FLOT2: variants seen among roughly 807,000 people sequenced by gnomAD.
FLOT2 encodes flotillin-2.
Under a neutral mutation model 54.9 loss-of-function variants are expected in FLOT2, and 35 were observed. That is an observed-to-expected ratio of 0.64 (90% CI 0.49 to 0.84). The LOEUF (loss-of-function observed/expected upper bound fraction) is 0.84, where lower values mean the gene tolerates loss of function less well. Ranked by LOEUF, FLOT2 falls within the 40% of genes least tolerant of loss-of-function variation. FLOT2 has a pLI of 0.00. For missense variants in FLOT2, 464 were observed against 572.1 expected, an observed-to-expected ratio of 0.81 and a Z score of 1.93; for synonymous variants, 207 against 228.9, an observed-to-expected ratio of 0.90 and a Z score of 0.86.
chr17:28,884,157 T>TC lies in FLOT2; in HGVS notation c.222+67dup. ...GCCCCTGGCTGCTGTCCTCTCCTCC[T>TC]CCCCCCGAACCCGAGTACGGGACCA... On this transcript the variant is annotated intron_variant, in intron 3 of 10. Transcript: ENST00000394908. The surrounding 1 kb of genome is among the most constrained non-coding windows in gnomAD (Gnocchi z 5.1). 8.4e-7 allele frequency: 1 copy of TC among 1,186,716 alleles called. No individual in the cohort carries two copies. The highest frequency in any genetic ancestry group is 1.3e-6 in the Non-Finnish European group (1 of 793,586). 73.5% of individuals were successfully genotyped at this position (1,186,716 alleles called of 1,614,324 possible).
intron 1 of FLOT2, among the ~76,000 whole-genome samples, chr17:28,891,142 A>G (rs1023388479): frequency 6.6e-6 from 1 of 152,132 alleles, no homozygotes; most frequent in African/African-American, 2.4e-5. Context: ...TGGCCTCTCA[A>G]AGTGCTGGGA....
At chr17:28,889,278 G>A (rs750651082) in intron 1 of FLOT2, among the ~76,000 whole-genome samples, 5 of 152,114 alleles carry the variant, frequency 3.3e-5, no homozygotes, top group African/African-American at 7.2e-5. Flanking sequence ...GAATGTAAGT[G>A]CTTCCAGAGA....
At chr17:28,880,628 T>C (rs1200814164) in intron 10 of FLOT2, 29 bp from the exon 11 acceptor site, 3 of 1,613,912 alleles carry the variant, frequency 1.9e-6, no homozygotes, top group Admixed American at 1.7e-5. Context: ...CCATGAGACC[T>C]TGGCTCCAGA....
In FLOT2 at chr17:28,881,711, G is replaced by T. The variant is rs984851670; in HGVS notation, c.914+103C>A. 4 of 999,798 alleles carry T rather than the reference G, an allele frequency of 4.0e-6. 1 individual carries two copies. The South Asian group carries it at 4.3e-5, about 11-fold the overall frequency. 61.9% of individuals were successfully genotyped at this position (999,798 alleles called of 1,614,324 possible). ...CAGTGAGTAAGAAGACACAGTGGAGGGGGAGAAGTGGCTTCCAAGCTGTGG... is the reference window on the plus strand; with the variant it reads ...CAGTGAGTAAGAAGACACAGTGGAGTGGGAGAAGTGGCTTCCAAGCTGTGG... On this transcript the variant is annotated intron_variant, in intron 8 of 10. Coordinates refer to ENST00000394908, the MANE Select transcript of FLOT2 (RefSeq NM_004475.3).
rs1470587523 is a variant in FLOT2, at chr17:28,884,743, C to T, written c.132-428G>A. Among the ~76,000 whole-genome samples the T allele has an allele frequency of 6.6e-6, 1 of 152,170 alleles. No individual in the cohort carries two copies. The highest frequency in any genetic ancestry group is 2.4e-5 in the African/African-American group (1 of 41,446). On this transcript the variant is annotated intron_variant, in intron 2 of 10. Coordinates refer to ENST00000394908, the MANE Select transcript of FLOT2 (RefSeq NM_004475.3). The surrounding 1 kb of genome is among the most constrained non-coding windows in gnomAD (Gnocchi z 5.1). ...CTCCCACAGGGGCCCTTGCCCATTC[C>T]TTGGTCTACCCAGCACCCCAGGGTG...
chr17:28,883,003 T>C lies in FLOT2; in HGVS notation c.346+105A>G. 8.2e-7 allele frequency: 1 copy of C among 1,220,916 alleles called. No individual in the cohort carries two copies. The highest frequency in any genetic ancestry group is 1.4e-5 in the South Asian group (1 of 72,968). 75.6% of individuals were successfully genotyped at this position (1,220,916 alleles called of 1,614,324 possible). A position where few individuals can be genotyped will look rare whatever the true frequency, so the allele number is the denominator to read the frequency against. On this transcript the variant is annotated intron_variant, in intron 4 of 10. Transcript: ENST00000394908. The surrounding 1 kb of genome is among the most constrained non-coding windows in gnomAD (Gnocchi z 5.0). ...ATTAAATATTTGAGGAAAAGTGTTT[T>C]AGCTTGAAACTCCTGTGAAACAGGC...
rs2039483267 is a variant in FLOT2 at position 28,883,072 on chromosome 17, C to G, written c.346+36G>C. The G allele has an allele frequency of 6.2e-7, 1 of 1,609,908 alleles. No homozygotes were observed. The highest frequency in any genetic ancestry group is 1.1e-5 in the South Asian group (1 of 90,996). ...CACCTCCCTGCCTTGGCTTAGGGGC[C>G]CCGTGAGGCTCCTCAAAGGCTGAAC... On this transcript the variant is annotated intron_variant, in intron 4 of 10. Coordinates refer to ENST00000394908, the MANE Select transcript of FLOT2 (RefSeq NM_004475.3). The surrounding 1 kb of genome is among the most constrained non-coding windows in gnomAD (Gnocchi z 5.0).
chr17:28,895,745 A>C (rs1488021698), intron 1 of FLOT2, among the ~76,000 whole-genome samples: 1 of 152,168 alleles, frequency 6.6e-6, no homozygotes, highest in Non-Finnish European at 1.5e-5. Flanking sequence ...CCAAATGAAA[A>C]GGATTCCCCT....
chr17:28,882,662 C>T lies in FLOT2; in HGVS notation c.376G>A (p.Asp126Asn). 1 of 1,613,552 alleles carries T rather than the reference C, an allele frequency of 6.2e-7. No individual in the cohort carries two copies. Among genetic ancestry groups the T allele is most frequent in the Non-Finnish European group, 8.5e-7 (1 of 1,179,814 alleles). Residue 126 changes from aspartate to asparagine, a missense_variant, in exon 5 of 11, where the codon GAC becomes AAC. Asp to Asn is a conservative substitution (Grantham distance 23). Coordinates refer to ENST00000394908, the MANE Select transcript of FLOT2 (RefSeq NM_004475.3). The surrounding 1 kb of genome is among the most constrained non-coding windows in gnomAD (Gnocchi z 5.6). ...ACCAGCTTGGCAAACTGGTCCCGGT[C>T]CTGATAAATCTGCTCCACTGTCAGG... ...GTLTVEQIYQ[D>N]RDQFAKLVRE...
At position 28,882,014 on chromosome 17, in the gene FLOT2, C is replaced by T. The variant is rs758623114; in HGVS notation, c.714G>A (p.Gln238=). The change falls in exon 8 of 11, where the codon CAG becomes CAA. Residue 238 remains glutamine, a synonymous_variant. Transcript: ENST00000394908. This position sits in a 1 kb window ranked among gnomAD's most constrained non-coding sequence, Gnocchi z 5.6. ...GGGCCCCCTGCAGCTCATAGGCCAA[C>T]TGGGCCTCAGCTGTCTGTGGCAAGA... is the stretch of plus-strand genomic sequence containing the variant. The part of the protein sequence containing the change: ...EEVNIKTAEA[Q]LAYELQGARE... 1 of 1,614,174 alleles carries T rather than the reference C, an allele frequency of 6.2e-7. No homozygotes were observed. The highest frequency in any genetic ancestry group is 8.5e-7 in the Non-Finnish European group (1 of 1,180,028).
At chr17:28,887,042 G>A (rs1014419152) in intron 2 of FLOT2, among the ~76,000 whole-genome samples, 2 of 152,050 alleles carry the variant, frequency 1.3e-5, no homozygotes, top group African/African-American at 2.4e-5. Context: ...AAGGGTAGTG[G>A]GGAGGGAAGA....
chr17:28,890,050 C>T (rs2039620082), intron 1 of FLOT2, among the ~76,000 whole-genome samples: 2 of 152,136 alleles, frequency 1.3e-5, no homozygotes, highest in African/African-American at 2.4e-5. Context: ...CACTGGGGGG[C>T]TGGGAGGGAA....
intron 2 of FLOT2, chr17:28,886,062 G>GGGGGGCAT: frequency 3.6e-5 from 22 of 619,268 alleles, no homozygotes; most frequent in South Asian, 3.0e-4. Context: ...TGGGGGCGGG[G>GGGGGGCAT]GGGGGCATGC....
At position 28,887,978 on chromosome 17, in the gene FLOT2, G is replaced by C. The variant is rs907329105; in HGVS notation, c.131+967C>G. Reference sequence around the variant, plus strand: ...CTAGCAGATGCCCTCAGACTCCCAGGAGCCTCAAGCACTAGCAGCTTGGTG... The same window carrying C: ...CTAGCAGATGCCCTCAGACTCCCAGCAGCCTCAAGCACTAGCAGCTTGGTG... On this transcript the variant is annotated intron_variant, in intron 2 of 10. Transcript: ENST00000394908. Among the ~76,000 whole-genome samples, 6 of 152,308 alleles carry C rather than the reference G, an allele frequency of 3.9e-5. No individual in the cohort carries two copies. The South Asian group carries it at 1.2e-3, about 32-fold the overall frequency.
chr17:28,885,955 G>A, intron 2 of FLOT2: 1 of 1,537,930 alleles, frequency 6.5e-7, no homozygotes, highest in South Asian at 1.2e-5. Context: ...AGTCTGAGGA[G>A]CAGCCAGGGG....
intron 8 of FLOT2, 100 bp from the exon 9 acceptor site, chr17:28,881,475 C>G: frequency 1.6e-6 from 2 of 1,260,310 alleles, no homozygotes; most frequent in Non-Finnish European, 2.2e-6. Flanking sequence ...GCTCTGGGGG[C>G]TGTCGGGGTG....
intron 1 of FLOT2, among the ~76,000 whole-genome samples, chr17:28,895,683 T>A (rs1465013672): frequency 6.6e-6 from 1 of 152,078 alleles, no homozygotes; most frequent in Non-Finnish European, 1.5e-5. Context: ...TTAGGGTGAG[T>A]GAAAATAAAA....
In FLOT2 at chr17:28,881,047, GC is replaced by G. The variant is rs924041341; in HGVS notation, c.1098+144del. 2.3e-5 allele frequency: 24 copies of G among 1,023,210 alleles called. No homozygotes were observed. The Admixed American group carries it at 5.2e-4, about 22-fold the overall frequency. The allele number at this position is 1,023,210 out of a possible 1,614,324, so 63.4% of individuals were successfully genotyped here. A position where few individuals can be genotyped will look rare whatever the true frequency, so the allele number is the denominator to read the frequency against. ...TGGCTTAGGCCTTTGTAGGGTTCCT[GC>G]CCCCTGCTGAGGATGCTCCTCATTT... On this transcript the variant is annotated intron_variant, in intron 9 of 10. Transcript: ENST00000394908.
chr17:28,887,267 TGA>T (rs1374714737), intron 2 of FLOT2, among the ~76,000 whole-genome samples: 1 of 152,028 alleles, frequency 6.6e-6, no homozygotes, highest in Non-Finnish European at 1.5e-5. Flanking sequence ...GTATCCAGGC[TGA>T]GTTAGAAGCC....
Sources: allele counts gnomAD v4.1 joint callset (sites outside exome capture counted in the v4.1 genomes callset), GRCh38; gene constraint gnomAD v4.1.1; non-coding constraint Gnocchi (gnomAD v3.1); transcripts MANE v1.5; gene names NCBI Gene and HGNC (gene_info 2026-07-23, HGNC 2026-07-21).